CADM1: variants seen among roughly 807,000 people sequenced by gnomAD.
The protein encoded by CADM1 is cell adhesion molecule 1, also known as TSLC-1.
A neutral mutation model predicts 53.1 loss-of-function variants in CADM1; 15 were observed. That is an observed-to-expected ratio of 0.28 (90% CI 0.19 to 0.44). The LOEUF (loss-of-function observed/expected upper bound fraction) is 0.44, where lower values mean the gene tolerates loss of function less well. CADM1 is among the 20% of genes least tolerant of loss of function. The pLI, the probability that CADM1 is intolerant of heterozygous loss-of-function variation, is 1.00. For missense variants in CADM1, 434 were observed against 611.3 expected (o/e 0.71, Z 3.06); for synonymous variants, 281 against 243.0 (o/e 1.16, Z -1.45).
At chr11:115,346,791 T>G (rs1945590797) in intron 1 of CADM1, among the ~76,000 whole-genome samples, 1 of 152,146 alleles carries the variant, frequency 6.6e-6, no homozygotes, top group Non-Finnish European at 1.5e-5. Context: ...AGTTCCTAAG[T>G]TTTTGTTTTG....
At chr11:115,474,208 G>A (rs1335135903) in intron 1 of CADM1, among the ~76,000 whole-genome samples, 2 of 146,998 alleles carry the variant, frequency 1.4e-5, no homozygotes, top group Non-Finnish European at 3.0e-5. Context: ...GGAGAATGGC[G>A]TGAACCTAGG....
chr11:115,329,817 G>A (rs138072879), intron 1 of CADM1, among the ~76,000 whole-genome samples: 56 of 151,842 alleles, frequency 3.7e-4, no homozygotes, highest in African/African-American at 8.5e-4. Context: ...ATAGGGAGCC[G>A]GAAAGGAGAT....
chr11:115,301,558 C>T (rs1187821352), intron 1 of CADM1, among the ~76,000 whole-genome samples: 5 of 152,028 alleles, frequency 3.3e-5, no homozygotes, highest in Non-Finnish European at 7.4e-5. Context: ...ACATTTATAT[C>T]ATATAAAACT....
chr11:115,358,149 G>C (rs1206539991), intron 1 of CADM1, among the ~76,000 whole-genome samples: 1 of 152,158 alleles, frequency 6.6e-6, no homozygotes, highest in Non-Finnish European at 1.5e-5. Flanking sequence ...GTACCCATCT[G>C]TCATCCTTCC....
At chr11:115,450,825 C>G (rs538728094) in intron 1 of CADM1, among the ~76,000 whole-genome samples, 1 of 152,196 alleles carries the variant, frequency 6.6e-6, no homozygotes, top group African/African-American at 2.4e-5. Flanking sequence ...ATGCTCCTTA[C>G]GTTACCAATC....
At chr11:115,388,897 C>T (rs1489649680) in intron 1 of CADM1, among the ~76,000 whole-genome samples, 1 of 152,032 alleles carries the variant, frequency 6.6e-6, no homozygotes, top group Non-Finnish European at 1.5e-5. Flanking sequence ...ATCATTAGAT[C>T]AACTGACCAA....
rs1451057253 is a variant in CADM1, at chr11:115,378,846, A to C, written c.124+125425T>G. ...GAGACCGTATGGCCCACAAAGCCTA[A>C]CATATTTACTACCTTGCCCTCTACA... is the stretch of plus-strand genomic sequence containing the variant. On this transcript the variant is annotated intron_variant, in intron 1 of 11. Transcript: ENST00000331581. Among the ~76,000 whole-genome samples the C allele has an allele frequency of 3.3e-5, 5 of 152,338 alleles. No homozygotes were observed. The East Asian group carries it at 9.6e-4, about 29-fold the overall frequency.
At chr11:115,418,552 T>TA (rs1009041695) in intron 1 of CADM1, among the ~76,000 whole-genome samples, 100 of 152,132 alleles carry the variant, frequency 6.6e-4, no homozygotes, top group African/African-American at 2.3e-3. Context: ...ATTATATATT[T>TA]AAAAAAAATT....
chr11:115,217,839 T>C (rs1400694776), intron 6 of CADM1, 53 bp downstream of exon 6: 28 of 1,087,752 alleles, frequency 2.6e-5, no homozygotes, highest in Non-Finnish European at 3.9e-5. Flanking sequence ...CATGTCTGTG[T>C]TGTGACATTT....
At chr11:115,453,157 G>A (rs774598091) in intron 1 of CADM1, among the ~76,000 whole-genome samples, 8 of 152,010 alleles carry the variant, frequency 5.3e-5, no homozygotes, top group Admixed American at 1.3e-4. Flanking sequence ...CAGGCAGACC[G>A]CTTGAGCCCA....
In CADM1 at chr11:115,231,503, C is replaced by T. The variant is rs757818435; in HGVS notation, c.425-13G>A. 1.9e-5 allele frequency: 30 copies of T among 1,613,280 alleles called. No individual in the cohort carries two copies. Among genetic ancestry groups the T allele is most frequent in the South Asian group, 1.3e-4 (12 of 91,076 alleles). On this transcript the variant is annotated splice_polypyrimidine_tract_variant and intron_variant, in intron 3 of 11. Coordinates refer to ENST00000331581, the MANE Select transcript of CADM1 (RefSeq NM_001301043.2). The stretch of plus-strand genomic sequence containing the variant: ...TTACGTGGTGGGACTACAAATTAAA[C>T]ATATGTGCTTTATAAACACAGAATG...
At chr11:115,368,340 T>C (rs1164492810) in intron 1 of CADM1, among the ~76,000 whole-genome samples, 1 of 152,098 alleles carries the variant, frequency 6.6e-6, no homozygotes, top group Non-Finnish European at 1.5e-5. Flanking sequence ...TTGTTTACAA[T>C]AATGCCCAAC....
At chr11:115,500,488 A>G (rs1949706275) in intron 1 of CADM1, among the ~76,000 whole-genome samples, 1 of 152,242 alleles carries the variant, frequency 6.6e-6, no homozygotes, top group Non-Finnish European at 1.5e-5. Flanking sequence ...TCACTTATGT[A>G]TGAGACTAAA....
At chr11:115,286,645 C>A (rs1044751234) in intron 1 of CADM1, among the ~76,000 whole-genome samples, 1 of 152,200 alleles carries the variant, frequency 6.6e-6, no homozygotes, top group African/African-American at 2.4e-5. Context: ...CTAGTTGAAA[C>A]AGAACCCAAC....
intron 1 of CADM1, among the ~76,000 whole-genome samples, chr11:115,475,497 G>A (rs1949111467): frequency 6.6e-6 from 1 of 152,028 alleles, no homozygotes; most frequent in South Asian, 2.1e-4. Context: ...TACTCGTATC[G>A]CCAAAAACTG....
intron 4 of CADM1, 130 bp from the exon 5 acceptor site, chr11:115,229,401 T>G: frequency 1.2e-6 from 1 of 831,294 alleles, no homozygotes; most frequent in Non-Finnish European, 2.0e-6. Context: ...TTACTTGGGA[T>G]GAGAGTAACC....
At chr11:115,301,836 A>C (rs187687501) in intron 1 of CADM1, among the ~76,000 whole-genome samples, 9 of 152,244 alleles carry the variant, frequency 5.9e-5, no homozygotes, top group Non-Finnish European at 1.2e-4. Flanking sequence ...ATTAAATAGC[A>C]ATGCACTCAA....
At chr11:115,350,994 A>G (rs1219073847) in intron 1 of CADM1, among the ~76,000 whole-genome samples, 1 of 151,818 alleles carries the variant, frequency 6.6e-6, no homozygotes, top group African/African-American at 2.4e-5. Context: ...TTGTGTTTCC[A>G]GTGTATATTA....
chr11:115,271,446 C>T (rs2135048548), intron 1 of CADM1, among the ~76,000 whole-genome samples: 1 of 152,208 alleles, frequency 6.6e-6, no homozygotes, highest in Admixed American at 6.5e-5. Flanking sequence ...CCACGCCCAG[C>T]TAATTTTTTG....
Sources: allele counts gnomAD v4.1 joint callset (sites outside exome capture counted in the v4.1 genomes callset), GRCh38; gene constraint gnomAD v4.1.1; transcripts MANE v1.5; gene names NCBI Gene and HGNC (gene_info 2026-07-23, HGNC 2026-07-21).